ABHD5: variants seen among roughly 807,000 people sequenced by gnomAD.
The protein encoded by ABHD5 is 1-acylglycerol-3-phosphate O-acyltransferase ABHD5.
A neutral mutation model predicts 44.9 loss-of-function variants in ABHD5; 30 were observed. The observed-to-expected ratio is 0.67, with a 90% CI of 0.50 to 0.91. The LOEUF is 0.91. Ranked by LOEUF, ABHD5 falls within the 40% of genes least tolerant of loss-of-function variation. The pLI is 0.00. For missense variants in ABHD5, 399 were observed against 423.4 expected (o/e 0.94, Z 0.50); for synonymous variants, 167 against 147.0 (o/e 1.14, Z -0.99).
chr3:43,715,178 A>G lies in ABHD5; in HGVS notation c.773+120A>G, dbSNP rs1043389381. The G allele has an allele frequency of 6.8e-6, 5 of 735,740 alleles. No homozygotes were observed. In the African/African-American group the frequency reaches 7.2e-5, roughly 11 times the overall value. 45.6% of individuals were successfully genotyped at this position (735,740 alleles called of 1,614,324 possible). A position where few individuals can be genotyped will look rare whatever the true frequency, so the allele number is the denominator to read the frequency against. ...TATTTATTTATTTATTTATTCATTC[A>G]ATACGGGGTTTCGCTCTTGTCACCC... is the stretch of plus-strand genomic sequence containing the variant. On this transcript the variant is annotated intron_variant, in intron 5 of 6. Transcript: ENST00000644371.
At chr3:43,702,733 C>A in intron 3 of ABHD5, 146 bp downstream of exon 3, 1 of 1,081,224 alleles carries the variant, frequency 9.2e-7, no homozygotes. Context: ...AACTGATGAC[C>A]AATATAGTAG....
At chr3:43,718,378 A>G (rs2084794237) in intron 6 of ABHD5, 65 bp from the exon 7 acceptor site, 4 of 1,305,386 alleles carry the variant, frequency 3.1e-6, no homozygotes, top group Admixed American at 1.7e-5. Flanking sequence ...GTCTTTGCTT[A>G]TATATCATTC....
chr3:43,693,869 C>G (rs2084435172), intron 1 of ABHD5, among the ~76,000 whole-genome samples: 3 of 151,424 alleles, frequency 2.0e-5, no homozygotes, highest in East Asian at 3.9e-4. Context: ...GGAGATGACT[C>G]AGATCTCATT....
downstream of ABHD5, among the ~76,000 whole-genome samples, chr3:43,726,887 T>C (rs2084881384): frequency 1.3e-5 from 2 of 152,188 alleles, no homozygotes; most frequent in African/African-American, 4.8e-5. Flanking sequence ...CACGGGAGTG[T>C]TCAATTGTTT....
At chr3:43,691,692 A>T (rs9682978) in intron 1 of ABHD5, 1 of 152,110 alleles carries the variant, frequency 6.6e-6, no homozygotes, top group Non-Finnish European at 1.5e-5. Context: ...TATGGCTGTG[A>T]GTTTCAGATA....
chr3:43,702,706 C>T (rs2084559961), intron 3 of ABHD5, 119 bp downstream of exon 3: 3 of 1,413,448 alleles, frequency 2.1e-6, no homozygotes, highest in Non-Finnish European at 3.0e-6. Flanking sequence ...CTTAAAGGAC[C>T]CTATAGACCA....
At chr3:43,691,099 G>T in intron 1 of ABHD5, 60 bp downstream of exon 1, 1 of 1,471,338 alleles carries the variant, frequency 6.8e-7, no homozygotes, top group Non-Finnish European at 9.0e-7. Context: ...GCGCGGGCCG[G>T]GTTAGGGCCC....
chr3:43,718,658 C>T lies in ABHD5; in HGVS notation c.*126C>T. 1.1e-6 allele frequency: 1 copy of T among 907,512 alleles called. No homozygotes were observed. The highest frequency in any genetic ancestry group is 1.8e-6 in the Non-Finnish European group (1 of 555,932). The allele number at this position is 907,512 out of a possible 1,614,324, so 56.2% of individuals were successfully genotyped here. On this transcript the variant is annotated 3_prime_UTR_variant, in exon 7 of 7. Coordinates refer to ENST00000644371, the MANE Select transcript of ABHD5 (RefSeq NM_016006.6). ...GCAGCCTTCTTGACTATACTTTGCA[C>T]ATGTTTTCTTTAGGAATTCACTCAC...
At chr3:43,716,821 T>C (rs2084768815) in intron 5 of ABHD5, among the ~76,000 whole-genome samples, 1 of 152,172 alleles carries the variant, frequency 6.6e-6, no homozygotes, top group South Asian at 2.1e-4. Context: ...TTACTTTGAT[T>C]GTAGTGAGAC....
chr3:43,708,912 A>G lies in ABHD5; in HGVS notation c.507-2797A>G, dbSNP rs1045904991. ...ATTTTGTGGCCGGTATTCAATGCTT[A>G]TGATTTATTTTTCTGTTCCAAACAG... On this transcript the variant is annotated intron_variant, in intron 3 of 6. Transcript: ENST00000644371. Among the ~76,000 whole-genome samples, 4 of 152,338 alleles carry G rather than the reference A, an allele frequency of 2.6e-5. No individual in the cohort carries two copies. The East Asian group carries it at 5.8e-4, about 22-fold the overall frequency.
chr3:43,731,404 A>C (rs1286763255), intron 7 of ABHD5, among the ~76,000 whole-genome samples: 2 of 152,348 alleles, frequency 1.3e-5, no homozygotes, highest in South Asian at 2.1e-4. Context: ...TTAGAATTCT[A>C]TATTCTGTTT....
intron 4 of ABHD5, among the ~76,000 whole-genome samples, chr3:43,713,114 G>C (rs917621839): frequency 2.6e-5 from 4 of 152,006 alleles, no homozygotes; most frequent in Admixed American, 2.0e-4. Flanking sequence ...GCCAGGCTTT[G>C]AGACAAGCCC....
In ABHD5 at chr3:43,690,968, T is replaced by G. The variant is rs777898424; in HGVS notation, c.-25T>G. On this transcript the variant is annotated 5_prime_UTR_variant, in exon 1 of 7. Transcript: ENST00000644371. ...GCCTGTCAGCCGGCTTCGAGATAAG[T>G]CCCGGCGCTTGCGCGGCGGCGGCTA... is the stretch of plus-strand genomic sequence containing the variant. 87 of 1,566,022 alleles carry G rather than the reference T, an allele frequency of 5.6e-5. No homozygotes were observed. Among genetic ancestry groups the G allele is most frequent in the Non-Finnish European group, 7.4e-5 (86 of 1,160,414 alleles).
In ABHD5 at chr3:43,713,322, CAA is replaced by C. The variant is rs78532050; in HGVS notation, c.661+1478_661+1479del. 2.4e-3 allele frequency among the ~76,000 whole-genome samples: 111 copies of C among 46,876 alleles called. No homozygotes were observed. In the East Asian group the frequency reaches 0.042, roughly 18 times the overall value. 30.8% of individuals were successfully genotyped at this position (46,876 alleles called of 152,430 possible). A position where few individuals can be genotyped will look rare whatever the true frequency, so the allele number is the denominator to read the frequency against. The stretch of plus-strand genomic sequence containing the variant: ...TGGGCAACAGTGCAAGACCCTGTCT[CAA>C]AAAAAAAAAAAAAAAAAAGGAAAAG... On this transcript the variant is annotated intron_variant, in intron 4 of 6. Coordinates refer to ENST00000644371, the MANE Select transcript of ABHD5 (RefSeq NM_016006.6).
Position 43,711,837 on chromosome 3 carries a change from C to G in ABHD5, c.635C>G (p.Ala212Gly). ...GCATTGACTCCCTTTAACCCTTTAG[C>G]TGGCCTAAGGATTGCAGGACCCTTT... Reference protein sequence around the residue: ...GAALTPFNPLAGLRIAGPFGL... With the variant: ...GAALTPFNPLGGLRIAGPFGL... Residue 212 changes from alanine to glycine, a missense_variant, in exon 4 of 7, where the codon GCT becomes GGT. By Grantham distance (60) the Ala-to-Gly change is moderately conservative. Transcript: ENST00000644371. 6.2e-7 allele frequency: 1 copy of G among 1,614,220 alleles called. No individual in the cohort carries two copies.
At chr3:43,718,413 C>A (rs1414849888) in intron 6 of ABHD5, 30 bp from the exon 7 acceptor site, 1 of 1,580,850 alleles carries the variant, frequency 6.3e-7, no homozygotes, top group East Asian at 2.2e-5. Flanking sequence ...CTTTTACTCA[C>A]TAACTGTCTG....
intron 3 of ABHD5, among the ~76,000 whole-genome samples, chr3:43,709,565 G>A (rs1029828099): frequency 6.6e-6 from 1 of 152,180 alleles, no homozygotes; most frequent in Admixed American, 6.5e-5. Flanking sequence ...ATTGTTTAGG[G>A]TAGGGTATGT....
chr3:43,695,068 G>C (rs1193888049), intron 1 of ABHD5: 1 of 152,056 alleles, frequency 6.6e-6, no homozygotes, highest in African/African-American at 2.4e-5. Context: ...CATGTGCCAG[G>C]CGGCTGGGAC....
intron 4 of ABHD5, among the ~76,000 whole-genome samples, chr3:43,712,965 G>A (rs1351355633): frequency 6.6e-6 from 1 of 152,032 alleles, no homozygotes; most frequent in Non-Finnish European, 1.5e-5. Flanking sequence ...CACCAATCAT[G>A]ATTTGTTTCC....
Sources: allele counts gnomAD v4.1 joint callset (sites outside exome capture counted in the v4.1 genomes callset), GRCh38; gene constraint gnomAD v4.1.1; transcripts MANE v1.5; gene names NCBI Gene and HGNC (gene_info 2026-07-23, HGNC 2026-07-21).